Variants in GSE1 observed in about 807,000 individuals in gnomAD.
GSE1 encodes the protein genetic suppressor element 1.
Under a neutral mutation model 112.6 loss-of-function variants are expected in GSE1, and 32 were observed. The ratio of observed to expected loss-of-function variants is 0.28; its 90% CI spans 0.21 to 0.38. The LOEUF (loss-of-function observed/expected upper bound fraction) is 0.38. Among genes scored for constraint, GSE1 ranks in the 10% least tolerant of loss-of-function variants. The probability of loss-of-function intolerance (pLI) is 1.00; values close to 1 mark genes in which losing one functional copy is unlikely to be tolerated. For synonymous variants in GSE1, 1,115 were observed against 735.6 expected, an observed-to-expected ratio of 1.52 and a Z score of -8.35; for missense variants, 2,348 against 1,699.2, an observed-to-expected ratio of 1.38 and a Z score of -6.71.
At chr16:85,361,478 CA>C (rs2047080778) in intron 2 of GSE1, among the ~76,000 whole-genome samples, 1 of 152,258 alleles carries the variant, frequency 6.6e-6, no homozygotes, top group South Asian at 2.1e-4. Context: ...GCCACGGCCT[CA>C]GGGGCACTGA....
intron 2 of GSE1, among the ~76,000 whole-genome samples, chr16:85,642,049 G>T (rs1356993769): frequency 1.3e-5 from 2 of 152,248 alleles, no homozygotes. Context: ...AGCCTACACC[G>T]GCTGAGGGCC....
intron 2 of GSE1, among the ~76,000 whole-genome samples, chr16:85,399,348 C>A (rs769068332): frequency 6.6e-6 from 1 of 152,024 alleles, no homozygotes; most frequent in Non-Finnish European, 1.5e-5. Flanking sequence ...GGTGGGCTTC[C>A]GGGGGGGTTC....
intron 1 of GSE1, among the ~76,000 whole-genome samples, chr16:85,172,772 A>G (rs2143146360): frequency 6.6e-6 from 1 of 152,340 alleles, no homozygotes; most frequent in East Asian, 1.9e-4. Flanking sequence ...TGTCGTGTTC[A>G]GAAAGGGTCA....
In GSE1 at chr16:85,672,393, C is replaced by A. The variant is rs569140739; in HGVS notation, c.3520-12C>A. On this transcript the variant is annotated splice_polypyrimidine_tract_variant and intron_variant, in intron 15 of 15. Coordinates refer to ENST00000253458, the MANE Select transcript of GSE1 (RefSeq NM_014615.5). ...AACGGGTTGGTTTTGACACAAATTTCCCTCTCTCCAGGAGTTGAGGAGCCA... is the reference window on the plus strand; with the variant it reads ...AACGGGTTGGTTTTGACACAAATTTACCTCTCTCCAGGAGTTGAGGAGCCA... 6.2e-7 allele frequency: 1 copy of A among 1,605,244 alleles called. No individual in the cohort carries two copies. Among genetic ancestry groups the A allele is most frequent in the East Asian group, 2.2e-5 (1 of 44,660 alleles).
At chr16:85,647,722 G>A (rs180834622) in intron 2 of GSE1, among the ~76,000 whole-genome samples, 285 of 152,324 alleles carry the variant, frequency 1.9e-3, no homozygotes, top group Middle Eastern at 0.01. Context: ...GAGTAGCTGG[G>A]ACTACAGGCG....
intron 1 of GSE1, among the ~76,000 whole-genome samples, chr16:85,313,551 C>G (rs946295179): frequency 4.6e-5 from 7 of 152,314 alleles, no homozygotes; most frequent in African/African-American, 1.4e-4. Context: ...CTTCCTGCCC[C>G]CTCCCTGCCC....
At chr16:85,657,817 C>T (rs989717431) in intron 8 of GSE1, among the ~76,000 whole-genome samples, 3 of 152,172 alleles carry the variant, frequency 2.0e-5, no homozygotes, top group African/African-American at 4.8e-5. Context: ...GGTATCCCCA[C>T]CAGTAAGTAA....
chr16:85,250,520 C>T (rs1906357087), intron 1 of GSE1, among the ~76,000 whole-genome samples: 1 of 152,234 alleles, frequency 6.6e-6, no homozygotes, highest in African/African-American at 2.4e-5. Flanking sequence ...GCCATGGAGA[C>T]CCCAAGCACC....
chr16:85,423,334 C>T (rs1455126792), intron 2 of GSE1, among the ~76,000 whole-genome samples: 7 of 152,218 alleles, frequency 4.6e-5, no homozygotes, highest in Admixed American at 3.9e-4. Context: ...CCTCACCCAT[C>T]GCTGCCTCGG....
chr16:85,277,014 T>C (rs1909434986), intron 1 of GSE1, among the ~76,000 whole-genome samples: 1 of 152,070 alleles, frequency 6.6e-6, no homozygotes, highest in Non-Finnish European at 1.5e-5. Context: ...GGGTTTCAGG[T>C]TGCAGGATGA....
chr16:85,343,816 G>T (rs1186944448), intron 1 of GSE1, among the ~76,000 whole-genome samples: 3 of 152,158 alleles, frequency 2.0e-5, no homozygotes, highest in Non-Finnish European at 4.4e-5. Context: ...ACATCCAGCA[G>T]GCTCCCCTCT....
chr16:85,439,118 T>C (rs2049316863), intron 2 of GSE1, among the ~76,000 whole-genome samples: 1 of 152,242 alleles, frequency 6.6e-6, no homozygotes, highest in Non-Finnish European at 1.5e-5. Flanking sequence ...TCAGGGGTCA[T>C]TCAGCAGCCA....
At chr16:85,278,459 A>G (rs1909591071) in intron 1 of GSE1, among the ~76,000 whole-genome samples, 1 of 152,240 alleles carries the variant, frequency 6.6e-6, no homozygotes, top group African/African-American at 2.4e-5. Context: ...AGGTTTTAAA[A>G]AAATCATTTG....
At chr16:85,651,802 C>G (rs941683118) in intron 3 of GSE1, among the ~76,000 whole-genome samples, 10 of 152,220 alleles carry the variant, frequency 6.6e-5, no homozygotes, top group Admixed American at 3.3e-4. Flanking sequence ...ACCCCGGGTG[C>G]CTGAGCAGGC....
intron 2 of GSE1, among the ~76,000 whole-genome samples, chr16:85,421,415 G>A (rs2048842944): frequency 6.6e-6 from 1 of 152,164 alleles, no homozygotes; most frequent in Admixed American, 6.5e-5. Context: ...ACAGCAAGCA[G>A]GGGCTCCACC....
chr16:85,447,489 C>T (rs555076050), intron 2 of GSE1, among the ~76,000 whole-genome samples: 4 of 152,190 alleles, frequency 2.6e-5, no homozygotes, highest in East Asian at 1.9e-4. Flanking sequence ...GCTGTGAGGA[C>T]GGAGGACTCA....
At chr16:85,591,965 G>A (rs1239024145) in intron 1 of GSE1, among the ~76,000 whole-genome samples, 2 of 152,200 alleles carry the variant, frequency 1.3e-5, no homozygotes, top group Non-Finnish European at 2.9e-5. Context: ...TGTGGCTGGA[G>A]CAATGAGGAT....
chr16:85,274,818 A>C (rs1206048806), intron 1 of GSE1, among the ~76,000 whole-genome samples: 1 of 152,152 alleles, frequency 6.6e-6, no homozygotes, highest in Admixed American at 6.5e-5. Flanking sequence ...GAAAGCTCAC[A>C]CTGGCACCTG....
intron 1 of GSE1, among the ~76,000 whole-genome samples, chr16:85,558,369 T>G (rs1457416907): frequency 6.6e-6 from 1 of 152,254 alleles, no homozygotes; most frequent in Non-Finnish European, 1.5e-5. Context: ...TCTTCTTAAG[T>G]ACAGGGCGTC....
Sources: gnomAD v4.1 joint callset for allele counts (sites outside exome capture counted in the v4.1 genomes callset) on GRCh38, gnomAD v4.1.1 for gene constraint, MANE v1.5 for transcripts, NCBI Gene and HGNC (gene_info 2026-07-23, HGNC 2026-07-21) for gene names.